TAF4B: variants seen among roughly 807,000 people sequenced by gnomAD.
The protein encoded by TAF4B is TATA-box binding protein associated factor 4b, also known as transcription initiation factor TFIID subunit 4B.
TAF4B carries 38 observed loss-of-function variants against 86.4 expected under a neutral mutation model. The observed-to-expected ratio is 0.44, with a 90% CI of 0.34 to 0.58. TAF4B has a LOEUF of 0.58. Ranked by LOEUF, TAF4B falls within the 20% of genes least tolerant of loss-of-function variation. The pLI, the probability that TAF4B is intolerant of heterozygous loss-of-function variation, is 0.02. For missense variants in TAF4B, 988 were observed against 1,027.6 expected, an observed-to-expected ratio of 0.96 and a Z score of 0.53; for synonymous variants, 388 against 391.2, an observed-to-expected ratio of 0.99 and a Z score of 0.10.
chr18:26,289,844 A>G (rs908710811), intron 7 of TAF4B, among the ~76,000 whole-genome samples: 1 of 152,134 alleles, frequency 6.6e-6, no homozygotes, highest in African/African-American at 2.4e-5. Flanking sequence ...TACCTCCCAT[A>G]TTTTTGTTAG....
intron 3 of TAF4B, among the ~76,000 whole-genome samples, chr18:26,268,537 C>CCA (rs2144548991): frequency 6.6e-6 from 1 of 152,318 alleles, no homozygotes; most frequent in East Asian, 1.9e-4. Context: ...GTCTTAATAA[C>CCA]CATGTTCATT....
intron 9 of TAF4B, among the ~76,000 whole-genome samples, chr18:26,309,385 T>C (rs1430367938): frequency 6.6e-6 from 1 of 150,930 alleles, no homozygotes; most frequent in Non-Finnish European, 1.5e-5. Context: ...TCTGATTTGG[T>C]TGGTGGAGAT....
At chr18:26,369,338 A>T (rs962322590) in intron 14 of TAF4B, among the ~76,000 whole-genome samples, 11 of 152,240 alleles carry the variant, frequency 7.2e-5, no homozygotes, top group South Asian at 2.1e-4. Context: ...AATGTAAGGT[A>T]TACTGAAAGA....
chr18:26,362,506 T>A (rs1237778652), intron 14 of TAF4B, among the ~76,000 whole-genome samples: 2 of 152,230 alleles, frequency 1.3e-5, no homozygotes, highest in Admixed American at 1.3e-4. Flanking sequence ...AATAAACAGA[T>A]TTTTAGGTGT....
intron 9 of TAF4B, among the ~76,000 whole-genome samples, chr18:26,305,438 C>T (rs890815846): frequency 2.6e-5 from 4 of 152,098 alleles, no homozygotes; most frequent in African/African-American, 9.7e-5. Context: ...GATACAGTTT[C>T]ACTCTGTTGC....
rs1424570032 is a variant in TAF4B, at chr18:26,391,030, T to G, written c.*1018T>G. Reference sequence around the variant, plus strand: ...TTAGTTATCCTAATTTTTAAGCATGTTGGCACATTTAAAAAATCCTAATTG... The same window carrying G: ...TTAGTTATCCTAATTTTTAAGCATGGTGGCACATTTAAAAAATCCTAATTG... On this transcript the variant is annotated 3_prime_UTR_variant, in exon 15 of 15. Coordinates refer to ENST00000269142, the MANE Select transcript of TAF4B (RefSeq NM_005640.3). 6.6e-6 allele frequency: 1 copy of G among 152,198 alleles called. No homozygotes were observed. Among genetic ancestry groups the G allele is most frequent in the African/African-American group, 2.4e-5 (1 of 41,464 alleles). 9.4% of individuals were successfully genotyped at this position (152,198 alleles called of 1,614,324 possible). A position where few individuals can be genotyped will look rare whatever the true frequency, so the allele number is the denominator to read the frequency against.
chr18:26,283,022 T>TA, intron 6 of TAF4B, among the ~76,000 whole-genome samples: 1 of 152,374 alleles, frequency 6.6e-6, no homozygotes, highest in Non-Finnish European at 1.5e-5. Context: ...ATTTCTAGCA[T>TA]ATCTGCAGTG....
At chr18:26,342,503 A>G (rs1194968839) in intron 13 of TAF4B, among the ~76,000 whole-genome samples, 1 of 152,032 alleles carries the variant, frequency 6.6e-6, no homozygotes, top group Non-Finnish European at 1.5e-5. Flanking sequence ...TTATTCTTGA[A>G]AATTATGTGC....
chr18:26,243,155 C>G (rs185686502), intron 1 of TAF4B, among the ~76,000 whole-genome samples: 1 of 152,266 alleles, frequency 6.6e-6, no homozygotes, highest in Admixed American at 6.5e-5. Flanking sequence ...GGGAAGTTCT[C>G]CTGGTTAATA....
chr18:26,384,424 G>T (rs961011320), intron 14 of TAF4B, among the ~76,000 whole-genome samples: 1 of 152,170 alleles, frequency 6.6e-6, no homozygotes, highest in Admixed American at 6.5e-5. Flanking sequence ...AATTTGAGGG[G>T]TGTAAGAAAA....
chr18:26,318,807 T>C (rs17799755), intron 10 of TAF4B, among the ~76,000 whole-genome samples: 11,778 of 152,364 alleles, frequency 0.077, 562 homozygotes, highest in Non-Finnish European at 0.1. Context: ...AATTGTTTAA[T>C]CTCAGCACTT....
intron 13 of TAF4B, among the ~76,000 whole-genome samples, chr18:26,353,169 C>T (rs2057258550): frequency 6.6e-6 from 1 of 151,760 alleles, no homozygotes; most frequent in Non-Finnish European, 1.5e-5. Flanking sequence ...TATAAACATC[C>T]CAAACAAAAT....
At chr18:26,280,588 C>G (rs1031256101) in intron 5 of TAF4B, among the ~76,000 whole-genome samples, 1 of 152,102 alleles carries the variant, frequency 6.6e-6, no homozygotes, top group Non-Finnish European at 1.5e-5. Flanking sequence ...AAATGCAAAT[C>G]AGAACCACAA....
intron 13 of TAF4B, among the ~76,000 whole-genome samples, chr18:26,337,623 A>G (rs1405344657): frequency 4.0e-5 from 6 of 151,804 alleles, no homozygotes; most frequent in East Asian, 1.9e-4. Flanking sequence ...GGGTTTCACT[A>G]TGTTGGCCAG....
chr18:26,251,609 A>G (rs2056007719), intron 1 of TAF4B, among the ~76,000 whole-genome samples: 1 of 152,202 alleles, frequency 6.6e-6, no homozygotes, highest in Non-Finnish European at 1.5e-5. Context: ...AACCTAATAT[A>G]TGATTACATT....
At chr18:26,350,028 A>G (rs941607545) in intron 13 of TAF4B, among the ~76,000 whole-genome samples, 11 of 152,206 alleles carry the variant, frequency 7.2e-5, no homozygotes, top group Admixed American at 7.2e-4. Flanking sequence ...GAATAAATGT[A>G]CACCTCCACC....
intron 5 of TAF4B, 83 bp downstream of exon 5, chr18:26,275,136 GATTT>G (rs1315595865): frequency 1.5e-6 from 2 of 1,348,422 alleles, no homozygotes; most frequent in Non-Finnish European, 2.0e-6. Flanking sequence ...TTTTAAATGG[GATTT>G]ATTTAATTTA....
At position 26,296,028 on chromosome 18, in the gene TAF4B, G is replaced by C. The variant is rs75239307; in HGVS notation, c.1832+2497G>C. Among the ~76,000 whole-genome samples, 61 of 151,506 alleles carry C rather than the reference G, an allele frequency of 4.0e-4. 1 individual carries two copies. In the South Asian group the frequency reaches 0.013, roughly 32 times the overall value. ...TGTGTGTGTTTCAGGGAGTGTAATA[G>C]TATGGATTTTAGTCCTTTTGCCTCT... On this transcript the variant is annotated intron_variant, in intron 9 of 14. Transcript: ENST00000269142.
chr18:26,354,344 A>G (rs556119700), intron 13 of TAF4B, among the ~76,000 whole-genome samples: 11 of 152,324 alleles, frequency 7.2e-5, no homozygotes, highest in African/African-American at 2.6e-4. Context: ...AAATACTGGG[A>G]TTACAGGTTT....
Sources: allele counts gnomAD v4.1 joint callset (sites outside exome capture counted in the v4.1 genomes callset), GRCh38; gene constraint gnomAD v4.1.1; transcripts MANE v1.5; gene names NCBI Gene and HGNC (gene_info 2026-07-23, HGNC 2026-07-21).